The following NCOR1 variants were observed in gnomAD, a reference collection of about 807,000 sequenced individuals.
NCOR1 encodes the protein protein phosphatase 1, regulatory subunit 109.
In NCOR1, 63 loss-of-function variants were observed where a neutral mutation model predicts 288.1. That is an observed-to-expected ratio of 0.22 (90% confidence interval 0.18 to 0.27). The LOEUF (loss-of-function observed/expected upper bound fraction) is 0.27, where lower values mean the gene tolerates loss of function less well. Among genes scored for constraint, NCOR1 ranks in the 10% least tolerant of loss-of-function variants. The probability of loss-of-function intolerance (pLI) is 1.00; values close to 1 mark genes in which losing one functional copy is unlikely to be tolerated. For missense variants in NCOR1, 2,397 were observed against 3,019.2 expected, an observed-to-expected ratio of 0.79 and a Z score of 4.83; for synonymous variants, 1,007 against 1,065.9, an observed-to-expected ratio of 0.94 and a Z score of 1.08.
rs1411882500 is a variant in NCOR1 at position 16,065,666 on chromosome 17, C to T, written c.4770G>A (p.Gln1590=). ...TTGGGTAACCTGGAGTTGGTGAAAG[C>T]TGTCTCTGAAACAGGTAAGCAGCCG... The part of the protein sequence containing the change: ...PAAAAYLFQR[Q]LSPTPGYPSQ... Residue 1590 remains glutamine (Q), a synonymous_variant, in exon 33 of 46, where the codon CAG becomes CAA. Coordinates refer to ENST00000268712, the MANE Select transcript of NCOR1 (RefSeq NM_006311.4). 1 of 1,614,188 alleles carries T rather than the reference C, an allele frequency of 6.2e-7. No individual in the cohort carries two copies. The highest frequency in any genetic ancestry group is 8.5e-7 in the Non-Finnish European group (1 of 1,180,032).
chr17:16,153,347 C>A lies in NCOR1; in HGVS notation c.781G>T (p.Val261Phe). 3 of 1,592,478 alleles carry A rather than the reference C, an allele frequency of 1.9e-6. No homozygotes were observed. The highest frequency in any genetic ancestry group is 1.2e-5 in the South Asian group (1 of 86,242). Residue 261 changes from valine to phenylalanine, a missense_variant, in exon 7 of 46, where the codon GTT becomes TTT. Physicochemically the swap from Val to Phe is conservative, Grantham distance 50 (BLOSUM62 -1). Coordinates refer to ENST00000268712, the MANE Select transcript of NCOR1 (RefSeq NM_006311.4). ...HKIFEGLGPK[V>F]ELPLYNQPSD... ...TGAAAAAATTTACTTACCAGTTCAA[C>A]TTTTGGGCCAAGACCTTCAAAAATT...
At chr17:16,035,193 G>A (rs1344843210) in intron 44 of NCOR1, among the ~76,000 whole-genome samples, 2 of 152,144 alleles carry the variant, frequency 1.3e-5, no homozygotes, top group Admixed American at 6.5e-5. Context: ...TCTGCATGGC[G>A]GTTGCCAAAG....
At position 16,115,365 on chromosome 17, in the gene NCOR1, T is replaced by A. The variant is rs147904838; in HGVS notation, c.2055+2523A>T. Among the ~76,000 whole-genome samples, 127 of 152,346 alleles carry A rather than the reference T, an allele frequency of 8.3e-4. 3 individuals carry two copies. The East Asian group carries it at 0.023, about 28-fold the overall frequency. The stretch of plus-strand genomic sequence containing the variant: ...TCCCCATTGTCTTGGAACTTAATAT[T>A]CAGCTCCTCATTACTTATGCAAATT... On this transcript the variant is annotated intron_variant, in intron 18 of 45. Transcript: ENST00000268712.
chr17:16,054,996 A>G (rs1181592080), intron 40 of NCOR1, among the ~76,000 whole-genome samples: 4 of 152,228 alleles, frequency 2.6e-5, no homozygotes, highest in Admixed American at 2.0e-4. Context: ...CACACCAGTC[A>G]GAATGGCTAT....
rs115473309 is a variant in NCOR1, at chr17:16,117,416, C to A, written c.2055+472G>T. ...GAGCAATAAATAGAGAAACAGCTAGCCTATACTAAAAATTTAGCATACCTT... is the reference window on the plus strand; with the variant it reads ...GAGCAATAAATAGAGAAACAGCTAGACTATACTAAAAATTTAGCATACCTT... On this transcript the variant is annotated intron_variant, in intron 18 of 45. Coordinates refer to ENST00000268712, the MANE Select transcript of NCOR1 (RefSeq NM_006311.4). Among the ~76,000 whole-genome samples the A allele has an allele frequency of 4.2e-3, 628 of 151,258 alleles. 7 individuals carry two copies. The highest frequency in any genetic ancestry group is 0.015 in the African/African-American group (606 of 41,144).
At chr17:16,127,341 GTATGTATA>G (rs2074493903) in intron 14 of NCOR1, among the ~76,000 whole-genome samples, 1 of 40,738 alleles carries the variant, frequency 2.5e-5, no homozygotes, top group Admixed American at 2.3e-4. Context: ...ATATATACAT[GTATGTATA>G]TATGTATGTA....
chr17:16,051,012 G>GT (rs906985507), intron 40 of NCOR1, among the ~76,000 whole-genome samples: 2 of 151,670 alleles, frequency 1.3e-5, no homozygotes, highest in Non-Finnish European at 2.9e-5. Context: ...TTATTTTTTA[G>GT]TTTTTTTGTG....
At chr17:16,060,431 A>C (rs2060424254) in intron 37 of NCOR1, among the ~76,000 whole-genome samples, 1 of 152,236 alleles carries the variant, frequency 6.6e-6, no homozygotes, top group South Asian at 2.1e-4. Context: ...CAAAAGACCT[A>C]TTCATACAAC....
intron 20 of NCOR1, among the ~76,000 whole-genome samples, chr17:16,100,844 G>A (rs1429642757): frequency 6.6e-6 from 1 of 152,158 alleles, no homozygotes; most frequent in African/African-American, 2.4e-5. Context: ...AGTAGGGGCT[G>A]GTAGGCCTTG....
At chr17:16,081,619 C>G (rs540769704) in intron 23 of NCOR1, among the ~76,000 whole-genome samples, 3 of 152,262 alleles carry the variant, frequency 2.0e-5, no homozygotes, top group African/African-American at 7.2e-5. Flanking sequence ...TGTTTGACTT[C>G]TCTGTTGGTT....
intron 44 of NCOR1, chr17:16,039,071 C>T (rs777395625): frequency 1.0e-5 from 2 of 198,724 alleles, no homozygotes; most frequent in Non-Finnish European, 2.1e-5. Context: ...ACCCGGCTGG[C>T]TTATGTTTCT....
At chr17:16,196,163 T>A (rs975133373) in intron 1 of NCOR1, among the ~76,000 whole-genome samples, 21 of 149,522 alleles carry the variant, frequency 1.4e-4, no homozygotes, top group African/African-American at 5.1e-4. Context: ...TATATAATTT[T>A]ATATATATAA....
intron 11 of NCOR1, among the ~76,000 whole-genome samples, chr17:16,141,932 G>A (rs1186402501): frequency 1.3e-5 from 2 of 152,206 alleles, no homozygotes; most frequent in East Asian, 1.9e-4. Flanking sequence ...CTGGGCTTTA[G>A]TTTCTTAACT....
In NCOR1 at chr17:16,186,629, A is replaced by G. The variant is rs2086725617; in HGVS notation, c.167T>C (p.Leu56Pro). 1.2e-6 allele frequency: 2 copies of G among 1,614,022 alleles called. No homozygotes were observed. Among genetic ancestry groups the G allele is most frequent in the Non-Finnish European group, 1.7e-6 (2 of 1,180,006 alleles). Reference sequence around the variant, plus strand: ...CTGTTGCTGCTGCTGTTGCTGCAAAAGCTGTGATGCCTGACTCACTTCAAG... The same window carrying G: ...CTGTTGCTGCTGCTGTTGCTGCAAAGGCTGTGATGCCTGACTCACTTCAAG... The part of the protein sequence containing the change: ...SHLEVSQASQ[L>P]LQQQQQQQLR... Residue 56 changes from leucine (L) to proline (P), a missense_variant, in exon 3 of 46, where the codon CTT (leucine) becomes CCT (proline). Around this residue, in one of 11 missense-constraint regions of NCOR1, gnomAD observed 55 missense variants for 69.6 expected, o/e 0.79. Transcript: ENST00000268712.
intron 14 of NCOR1, among the ~76,000 whole-genome samples, chr17:16,127,183 CTGTA>C (rs892989258): frequency 1.8e-4 from 22 of 125,658 alleles, no homozygotes; most frequent in African/African-American, 8.8e-4. Flanking sequence ...ATGTATATAT[CTGTA>C]TGTATATATA....
chr17:16,118,217 A>G (rs2072130708), intron 17 of NCOR1, among the ~76,000 whole-genome samples, 190 bp from the exon 18 acceptor site: 4 of 152,166 alleles, frequency 2.6e-5, no homozygotes, highest in Admixed American at 2.6e-4. Flanking sequence ...ACAGTTCTAT[A>G]TTTTTCCCCC....
In NCOR1 at chr17:16,048,964, C is replaced by G; in HGVS notation, c.6417G>C (p.Arg2139Ser). 2 of 1,610,904 alleles carry G rather than the reference C, an allele frequency of 1.2e-6. No individual in the cohort carries two copies. The highest frequency in any genetic ancestry group is 1.7e-6 in the Non-Finnish European group (2 of 1,177,974). The change falls in exon 41 of 46, where the codon AGG (arginine) becomes AGC (serine). Residue 2139 changes from arginine to serine, a missense_variant. Transcript: ENST00000268712. The part of the protein sequence containing the change: ...RGSRPGKSPE[R>S]SHVSSEPYEP... ...CGTAGGGCTCCGAAGAGACGTGACT[C>G]CTCTCTGGGGATTTTCCAGGCCTAC...
chr17:16,070,355 G>C lies in NCOR1; in HGVS notation c.4323C>G (p.Gly1441=). Residue 1441 remains glycine (G), a synonymous_variant, in exon 31 of 46, where the codon GGC becomes GGG. Coordinates refer to ENST00000268712, the MANE Select transcript of NCOR1 (RefSeq NM_006311.4). The part of the protein sequence containing the change: ...ERGKYEDVKA[G]ETVRSRHTSV... ...ACGTGTGCCGGGAACGCACGGTCTC[G>C]CCTGCTTTCACATCCTCATATTTTC... is the stretch of plus-strand genomic sequence containing the variant. 1 of 1,614,104 alleles carries C rather than the reference G, an allele frequency of 6.2e-7. No individual in the cohort carries two copies. Among genetic ancestry groups the C allele is most frequent in the South Asian group, 1.1e-5 (1 of 91,078 alleles).
At chr17:16,090,643 G>A (rs544378437) in intron 22 of NCOR1, among the ~76,000 whole-genome samples, 49 of 152,134 alleles carry the variant, frequency 3.2e-4, no homozygotes, top group African/African-American at 1.2e-3. Context: ...TTCATTTAGC[G>A]CCTTTTATAT....
Sources: gnomAD v4.1 joint callset for allele counts (sites outside exome capture counted in the v4.1 genomes callset) on GRCh38, gnomAD v4.1.1 for gene constraint, gnomAD v4.1.1 regional missense constraint, MANE v1.5 for transcripts, NCBI Gene and HGNC (gene_info 2026-07-23, HGNC 2026-07-21) for gene names.